Variants in ADGRB1 observed in about 807,000 individuals in gnomAD.
ADGRB1 encodes adhesion G protein-coupled receptor B1.
In ADGRB1, 36 loss-of-function variants were observed where a neutral mutation model predicts 175.7. The observed-to-expected ratio is 0.20, with a 90% confidence interval of 0.16 to 0.27. ADGRB1 has a LOEUF of 0.27. Among genes scored for constraint, ADGRB1 ranks in the 10% least tolerant of loss-of-function variants. ADGRB1 has a pLI of 1.00. For missense variants in ADGRB1, 1,731 were observed against 2,255.3 expected (o/e 0.77, Z 4.71); for synonymous variants, 1,054 against 979.4 (o/e 1.08, Z -1.42).
intron 17 of ADGRB1, among the ~76,000 whole-genome samples, chr8:142,491,169 G>C (rs1287492390): frequency 6.6e-6 from 1 of 152,254 alleles, no homozygotes; most frequent in Non-Finnish European, 1.5e-5. Context: ...TGGGTGCCAG[G>C]CACTGAGGGG....
At chr8:142,520,061 ATAG>A (rs1282988399) in intron 19 of ADGRB1, among the ~76,000 whole-genome samples, 5 of 138,016 alleles carry the variant, frequency 3.6e-5, no homozygotes, top group African/African-American at 5.6e-5. Context: ...GATGGTGGTG[ATAG>A]TGGTGCTGAT....
rs560202274 is a variant in ADGRB1 at position 142,540,742 on chromosome 8, C to T, written c.3707-1199C>T. Among the ~76,000 whole-genome samples the T allele has an allele frequency of 3.3e-5, 5 of 151,170 alleles. No individual in the cohort carries two copies. In the East Asian group the frequency reaches 5.9e-4, roughly 18 times the overall value. On this transcript the variant is annotated intron_variant, in intron 27 of 30. Transcript: ENST00000517894. Reference sequence around the variant, plus strand: ...GGGGCGGCCTTGGGGACGTGCGTCCCGAGAGTGCTGTGGCTGTCTGGGTGG... The same window carrying T: ...GGGGCGGCCTTGGGGACGTGCGTCCTGAGAGTGCTGTGGCTGTCTGGGTGG...
At chr8:142,454,740 G>T (rs1291154313) in intron 1 of ADGRB1, among the ~76,000 whole-genome samples, 1 of 152,104 alleles carries the variant, frequency 6.6e-6, no homozygotes, top group Non-Finnish European at 1.5e-5. Context: ...ACATGCCACT[G>T]AGGAGGCGGC....
At position 142,492,527 on chromosome 8, in the gene ADGRB1, C is replaced by T. The variant is rs539324225; in HGVS notation, c.2675+1712C>T. 5.9e-5 allele frequency among the ~76,000 whole-genome samples: 9 copies of T among 152,254 alleles called. No individual in the cohort carries two copies. The South Asian group carries it at 1.4e-3, about 25-fold the overall frequency. The stretch of plus-strand genomic sequence containing the variant: ...CAGAGGCCTGGCAAGCACAGCTCTG[C>T]GTGTGAGTGTCTGGGGATGAGCGTC... On this transcript the variant is annotated intron_variant, in intron 17 of 30. Transcript: ENST00000517894. This position sits in a 1 kb window ranked among gnomAD's most constrained non-coding sequence, Gnocchi z 4.4.
At chr8:142,534,750 C>G (rs1164570947) in intron 25 of ADGRB1, among the ~76,000 whole-genome samples, 1 of 152,190 alleles carries the variant, frequency 6.6e-6, no homozygotes, top group Non-Finnish European at 1.5e-5. Context: ...AGAGGCAGCC[C>G]AGGAAGGAGA....
At chr8:142,518,015 G>A in intron 18 of ADGRB1, 123 bp from the exon 19 acceptor site, 1 of 815,106 alleles carries the variant, frequency 1.2e-6, no homozygotes, top group Non-Finnish European at 1.9e-6. Flanking sequence ...AGGTGGAGGA[G>A]GGGCTGGGCC....
At chr8:142,496,165 G>T (rs2131921689) in intron 17 of ADGRB1, among the ~76,000 whole-genome samples, 1 of 150,994 alleles carries the variant, frequency 6.6e-6, no homozygotes, top group East Asian at 2.0e-4. Flanking sequence ...GGGTGGATGG[G>T]TGCGTGAATG....
rs1843048535 is a variant in ADGRB1, at chr8:142,510,707, G to T, written c.2676-225G>T. Among the ~76,000 whole-genome samples the T allele has an allele frequency of 6.9e-6, 1 of 144,846 alleles. No homozygotes were observed. The highest frequency in any genetic ancestry group is 1.5e-5 in the Non-Finnish European group (1 of 65,318). ...GGCGCTCCCTCGGGCTGCGCTCCGC[G>T]GCTCTCGGCGGCGGCGGCGGCGGGC... On this transcript the variant is annotated intron_variant, in intron 17 of 30. Transcript: ENST00000517894. The surrounding 1 kb of genome is among the most constrained non-coding windows in gnomAD (Gnocchi z 6.3).
Position 142,543,341 on chromosome 8 carries a change from G to C in ADGRB1, c.4414-62G>C, listed in dbSNP as rs893641275. On this transcript the variant is annotated intron_variant, in intron 28 of 30. Transcript: ENST00000517894. The surrounding 1 kb of genome is among the most constrained non-coding windows in gnomAD (Gnocchi z 4.4). The stretch of plus-strand genomic sequence containing the variant: ...TCCCTGATGCCCTCAGTCTGAGGCA[G>C]GGAGAGGCGTGGACTTGTCAGGGAC... 1.2e-6 allele frequency: 2 copies of C among 1,603,122 alleles called. No homozygotes were observed. The highest frequency in any genetic ancestry group is 1.7e-5 in the Admixed American group (1 of 59,304).
intron 17 of ADGRB1, among the ~76,000 whole-genome samples, chr8:142,501,091 T>C (rs1225704730): frequency 6.6e-6 from 1 of 152,180 alleles, no homozygotes; most frequent in East Asian, 1.9e-4. Context: ...GTGACGGAGC[T>C]GGTTCTGATG....
intron 1 of ADGRB1, among the ~76,000 whole-genome samples, chr8:142,457,863 C>G (rs2131637289): frequency 6.6e-6 from 1 of 152,310 alleles, no homozygotes; most frequent in African/African-American, 2.4e-5. Flanking sequence ...CTGCCAGGAC[C>G]TCACAGGTGG....
At chr8:142,489,270 G>C in intron 15 of ADGRB1, 66 bp from the exon 16 acceptor site, 1 of 1,589,160 alleles carries the variant, frequency 6.3e-7, no homozygotes, top group Non-Finnish European at 8.6e-7. Context: ...GGGGCACCTG[G>C]GGAAGGGCCA....
At chr8:142,500,258 A>C (rs1264891226) in intron 17 of ADGRB1, among the ~76,000 whole-genome samples, 34 of 10,176 alleles carry the variant, frequency 3.3e-3, no homozygotes, top group East Asian at 8.3e-3. Context: ...CCGCTCCTCC[A>C]CCTCCCCACG....
rs760451383 is a variant in ADGRB1 at position 142,512,507 on chromosome 8, C to A, written c.2817+1434C>A. On this transcript the variant is annotated intron_variant, in intron 18 of 30. Coordinates refer to ENST00000517894, the MANE Select transcript of ADGRB1 (RefSeq NM_001702.3). ...CGAGGAGGACCTGGGCAGGAGAGAACCTGCTATGGTGTGTGCCCCATCTGC... is the reference window on the plus strand; with the variant it reads ...CGAGGAGGACCTGGGCAGGAGAGAAACTGCTATGGTGTGTGCCCCATCTGC... Among the ~76,000 whole-genome samples the A allele has an allele frequency of 1.3e-4, 20 of 152,336 alleles. No homozygotes were observed. The South Asian group carries it at 3.7e-3, about 28-fold the overall frequency.
intron 24 of ADGRB1, 147 bp from the exon 25 acceptor site, chr8:142,533,148 A>C: frequency 2.2e-6 from 2 of 895,796 alleles, no homozygotes; most frequent in East Asian, 2.7e-5. Context: ...CACCCCAGAG[A>C]GGAAGGGCTG....
intron 13 of ADGRB1, among the ~76,000 whole-genome samples, chr8:142,486,482 C>G (rs949612264): frequency 2.0e-5 from 3 of 152,192 alleles, no homozygotes; most frequent in Admixed American, 1.3e-4. Flanking sequence ...GCACAAGGTG[C>G]TTGGCACTCC....
chr8:142,501,368 T>TA (rs1395746165), intron 17 of ADGRB1, among the ~76,000 whole-genome samples: 1 of 151,314 alleles, frequency 6.6e-6, no homozygotes, highest in African/African-American at 2.4e-5. Flanking sequence ...ATGGTGGTGG[T>TA]AGTGATGGTT....
At chr8:142,529,148 C>T (rs1400190928) in intron 24 of ADGRB1, among the ~76,000 whole-genome samples, 1 of 151,972 alleles carries the variant, frequency 6.6e-6, no homozygotes, top group African/African-American at 2.4e-5. Context: ...TGGGAAGCCT[C>T]CCTCCCTGTG....
Position 142,542,650 on chromosome 8 carries a change from GA to G in ADGRB1, c.4413+4del. ...CCTTGTCTGTGAGCTCCCTGGAGGT[GA>G]GGGGGGCAGGGGTGGGCCACACCCC... On this transcript the variant is annotated splice_donor_region_variant and intron_variant, in intron 28 of 30. Coordinates refer to ENST00000517894, the MANE Select transcript of ADGRB1 (RefSeq NM_001702.3). The surrounding 1 kb of genome is among the most constrained non-coding windows in gnomAD (Gnocchi z 6.3). The G allele has an allele frequency of 6.5e-7, 1 of 1,544,166 alleles. No individual in the cohort carries two copies.
Sources: allele counts gnomAD v4.1 joint callset (sites outside exome capture counted in the v4.1 genomes callset), GRCh38; gene constraint gnomAD v4.1.1; non-coding constraint Gnocchi (gnomAD v3.1); transcripts MANE v1.5; gene names NCBI Gene and HGNC (gene_info 2026-07-23, HGNC 2026-07-21).